The following SYTL2 variants were observed in gnomAD, a reference collection of about 807,000 sequenced individuals.
The protein encoded by SYTL2 is synaptotagmin-like protein 2.
SYTL2 carries 165 observed loss-of-function variants against 198.7 expected under a neutral mutation model. The ratio of observed to expected loss-of-function variants is 0.83; its 90% CI spans 0.73 to 0.94. The LOEUF (loss-of-function observed/expected upper bound fraction) is 0.94, where lower values mean the gene tolerates loss of function less well. SYTL2 is among the 40% of genes least tolerant of loss of function. The pLI is 0.00. For synonymous variants in SYTL2, 966 were observed against 917.7 expected (o/e 1.05, Z -0.95); for missense variants, 2,835 against 2,582.8 (o/e 1.10, Z -2.12).
chr11:85,848,969 A>G, the SYTL2 span, among the ~76,000 whole-genome samples: 1 of 152,270 alleles, frequency 6.6e-6, no homozygotes, highest in African/African-American at 2.4e-5. Flanking sequence ...AGAGACAAAG[A>G]AAAAAAAGTG....
At chr11:85,733,381 A>T (rs1345016836) in intron 7 of SYTL2, among the ~76,000 whole-genome samples, 1 of 152,140 alleles carries the variant, frequency 6.6e-6, no homozygotes, top group African/African-American at 2.4e-5. Flanking sequence ...ATGGTTATAT[A>T]TATTTTAGGG....
chr11:85,767,748 C>T (rs1364899905), intron 1 of SYTL2, among the ~76,000 whole-genome samples: 1 of 152,210 alleles, frequency 6.6e-6, no homozygotes, highest in East Asian at 1.9e-4. Flanking sequence ...CTCCCTCTCT[C>T]CCCCAACAAT....
chr11:85,709,248 T>A (rs935062340), intron 14 of SYTL2, 83 bp downstream of exon 14: 110 of 1,395,752 alleles, frequency 7.9e-5, no homozygotes, highest in Non-Finnish European at 1.0e-4. Context: ...TCCCTCCTCT[T>A]GATTACTTTA....
intron 6 of SYTL2, among the ~76,000 whole-genome samples, chr11:85,736,263 A>G (rs1416628660): frequency 6.6e-6 from 1 of 152,252 alleles, no homozygotes; most frequent in Non-Finnish European, 1.5e-5. Context: ...AATCCAAGAC[A>G]CAATGGAAGT....
intron 1 of SYTL2, among the ~76,000 whole-genome samples, chr11:85,808,656 T>C (rs1385132846): frequency 6.6e-6 from 1 of 152,156 alleles, no homozygotes; most frequent in Non-Finnish European, 1.5e-5. Flanking sequence ...ACCAGTTTTA[T>C]TCAGATATTT....
chr11:85,751,807 A>C lies in SYTL2; in HGVS notation c.102-3384T>G, dbSNP rs75795506. Among the ~76,000 whole-genome samples the C allele has an allele frequency of 8.2e-3, 1,254 of 152,310 alleles. 13 individuals carry two copies. Among genetic ancestry groups the C allele is most frequent in the African/African-American group, 0.027 (1,132 of 41,566 alleles). Reference sequence around the variant, plus strand: ...TGTTCAAAGAATTTCATCCATTTCAAAAGATGGCCATTTTACCTCTTCTGT... The same window carrying C: ...TGTTCAAAGAATTTCATCCATTTCACAAGATGGCCATTTTACCTCTTCTGT... On this transcript the variant is annotated intron_variant, in intron 2 of 19. Transcript: ENST00000359152.
chr11:85,756,821 C>A (rs1240628022), intron 2 of SYTL2, among the ~76,000 whole-genome samples: 1 of 152,184 alleles, frequency 6.6e-6, no homozygotes, highest in Non-Finnish European at 1.5e-5. Context: ...TATTCATGGT[C>A]CTGTGTCCCA....
intron 17 of SYTL2, among the ~76,000 whole-genome samples, chr11:85,698,454 G>A (rs566033477): frequency 6.6e-6 from 1 of 152,166 alleles, no homozygotes; most frequent in Admixed American, 6.5e-5. Context: ...GTATCAGTTG[G>A]TGCTAGTGGA....
the SYTL2 span, among the ~76,000 whole-genome samples, chr11:85,822,755 C>A: frequency 6.6e-6 from 1 of 152,230 alleles, no homozygotes. Flanking sequence ...AATCCACAGT[C>A]AGGCCAAAGA....
chr11:85,840,624 G>A, the SYTL2 span, among the ~76,000 whole-genome samples: 2 of 152,032 alleles, frequency 1.3e-5, no homozygotes, highest in South Asian at 4.2e-4. Context: ...ACCAACAATG[G>A]GGAAAAACTC....
chr11:85,780,612 G>A (rs1311775873), intron 1 of SYTL2, among the ~76,000 whole-genome samples: 1 of 152,198 alleles, frequency 6.6e-6, no homozygotes, highest in African/African-American at 2.4e-5. Context: ...ACACATGGAA[G>A]CTCCATGCCC....
chr11:85,787,701 C>CTTTTTTTTTTTTTTTTT (rs56177666), intron 1 of SYTL2, among the ~76,000 whole-genome samples: 9 of 90,394 alleles, frequency 1.0e-4, no homozygotes, highest in Admixed American at 1.3e-4. Flanking sequence ...TTTTCTTTTC[C>CTTTTTTTTTTTTTTTTT]TTTTTTTTTT....
chr11:85,816,579 G>GTGAC, the SYTL2 span, among the ~76,000 whole-genome samples: 1 of 152,160 alleles, frequency 6.6e-6, no homozygotes, highest in African/African-American at 2.4e-5. Context: ...GCAAAACAAT[G>GTGAC]TGACTGTACT....
rs187474220 is a variant in SYTL2, at chr11:85,785,850, A to G, written c.-390+25104T>C. 3.2e-3 allele frequency among the ~76,000 whole-genome samples: 484 copies of G among 152,342 alleles called. 2 individuals are homozygous for G. The highest frequency in any genetic ancestry group is 6.8e-3 in the Middle Eastern group (2 of 294). On this transcript the variant is annotated intron_variant, in intron 1 of 19. Coordinates refer to ENST00000359152, the MANE Select transcript of SYTL2 (RefSeq NM_206927.4). Reference sequence around the variant, plus strand: ...ATACCTGTTGAATGAGTGCTAAATGAAAGAATAAAATATTCCCAAGGAAGG... The same window carrying G: ...ATACCTGTTGAATGAGTGCTAAATGGAAGAATAAAATATTCCCAAGGAAGG...
chr11:85,736,574 A>C lies in SYTL2; in HGVS notation c.513T>G (p.Gly171=). Residue 171 remains glycine, a synonymous_variant, in exon 6 of 20, where the codon GGT becomes GGG. Coordinates refer to ENST00000359152, the MANE Select transcript of SYTL2 (RefSeq NM_206927.4). ...NPFNSSKLPE[G]HSSQQTKNEQ... ...CATTTTTAGTTTGTTGTGATGAGTG[A>C]CCTTCTGGCAACTTGGAGCTATTAA... The C allele has an allele frequency of 6.2e-7, 1 of 1,606,490 alleles. No individual in the cohort carries two copies. The highest frequency in any genetic ancestry group is 8.5e-7 in the Non-Finnish European group (1 of 1,174,316).
At position 85,734,290 on chromosome 11, in the gene SYTL2, C is replaced by T; in HGVS notation, c.1039G>A (p.Gly347Arg). 8 of 1,614,148 alleles carry T rather than the reference C, an allele frequency of 5.0e-6. No individual in the cohort carries two copies. Among genetic ancestry groups the T allele is most frequent in the Non-Finnish European group, 5.9e-6 (7 of 1,180,010 alleles). The change falls in exon 7 of 20, where the codon GGG (glycine) becomes AGG (arginine). Residue 347 changes from glycine to arginine, a missense_variant. Gly to Arg is a moderately radical substitution (Grantham distance 125). This residue lies in a region of SYTL2 where 2,645 missense variants were observed against 2,381.7 expected (regional missense o/e 1.11). Transcript: ENST00000359152. ...CCTACTTCCCGACCATGGATTAGCC[C>T]AGGACTCTGTGGAAGCTCATCCTTC... ...AVKDELPQSP[G>R]LIHGREVGEF...
intron 1 of SYTL2, among the ~76,000 whole-genome samples, chr11:85,765,190 A>G (rs1010356513): frequency 2.6e-5 from 4 of 152,224 alleles, no homozygotes; most frequent in African/African-American, 7.2e-5. Context: ...AGAGGTGAAC[A>G]AATGAAAGGA....
At chr11:85,789,381 T>C (rs1319758383) in intron 1 of SYTL2, among the ~76,000 whole-genome samples, 3 of 116,358 alleles carry the variant, frequency 2.6e-5, no homozygotes, top group African/African-American at 7.0e-5. Flanking sequence ...TATATATGTA[T>C]ATATATATAT....
chr11:85,697,872 A>T, intron 18 of SYTL2, 107 bp downstream of exon 18: 1 of 663,320 alleles, frequency 1.5e-6, no homozygotes, highest in South Asian at 2.0e-5. Context: ...AAGTAAATTC[A>T]TTTAAATTAT....
Sources: allele counts gnomAD v4.1 joint callset (sites outside exome capture counted in the v4.1 genomes callset), GRCh38; gene constraint gnomAD v4.1.1; regional missense constraint gnomAD v4.1.1; transcripts MANE v1.5; gene names NCBI Gene and HGNC (gene_info 2026-07-23, HGNC 2026-07-21).